SCN10A: variants seen among roughly 807,000 people sequenced by gnomAD.
SCN10A encodes sodium channel protein type 10 subunit alpha.
Under a neutral mutation model 170.7 loss-of-function variants are expected in SCN10A, and 162 were observed. That is an observed-to-expected ratio of 0.95 (90% CI 0.84 to 1.08). SCN10A has a LOEUF of 1.08. SCN10A is among the 50% of genes least tolerant of loss of function. The pLI, the probability that SCN10A is intolerant of heterozygous loss-of-function variation, is 0.00. For synonymous variants in SCN10A, 985 were observed against 904.6 expected (o/e 1.09, Z -1.59); for missense variants, 2,527 against 2,436.9 (o/e 1.04, Z -0.78).
chr3:38,709,740 A>G, intron 24 of SCN10A, 125 bp from the exon 25 acceptor site: 1 of 830,152 alleles, frequency 1.2e-6, no homozygotes, highest in Non-Finnish European at 1.8e-6. Flanking sequence ...CCAAGGAAGC[A>G]GGAATGAGGG....
At chr3:38,805,330 G>A (rs1444057431) in intron 1 of SCN10A, among the ~76,000 whole-genome samples, 1 of 152,116 alleles carries the variant, frequency 6.6e-6, no homozygotes, top group Non-Finnish European at 1.5e-5. Flanking sequence ...GTTATGCATG[G>A]TGCTGAGAGT....
chr3:38,723,216 C>T (rs1172645735), intron 19 of SCN10A, among the ~76,000 whole-genome samples: 2 of 152,126 alleles, frequency 1.3e-5, no homozygotes, highest in Non-Finnish European at 2.9e-5. Context: ...CACGTCTCTC[C>T]GTAGTGTCTG....
intron 26 of SCN10A, 59 bp from the exon 27 acceptor site, chr3:38,702,168 G>T: frequency 1.3e-6 from 2 of 1,497,506 alleles, no homozygotes; most frequent in East Asian, 2.3e-5. Context: ...CCAGGCATCT[G>T]TGTTATCTGT....
rs1044499700 is a variant in SCN10A, at chr3:38,728,615, G to A, written c.2567C>T (p.Ala856Val). 3.7e-6 allele frequency: 6 copies of A among 1,613,352 alleles called. No homozygotes were observed. Among genetic ancestry groups the A allele is most frequent in the Non-Finnish European group, 4.2e-6 (5 of 1,179,366 alleles). Residue 856 changes from alanine (A) to valine (V), a missense_variant, in exon 16 of 28, where the codon GCC (alanine) becomes GTC (valine). Coordinates refer to ENST00000449082, the MANE Select transcript of SCN10A (RefSeq NM_006514.4). The part of the protein sequence containing the change: ...LCGEWIENMW[A>V]CMEVGQKSIC... The stretch of plus-strand genomic sequence containing the variant: ...GGATTTTTGGCCAACTTCCATGCAG[G>A]CCCACATGTTCTCAATCCACTCTCC...
chr3:38,769,791 G>A (rs1360251283), intron 5 of SCN10A, among the ~76,000 whole-genome samples: 2 of 152,156 alleles, frequency 1.3e-5, no homozygotes, highest in Non-Finnish European at 2.9e-5. Context: ...CTGGGGATGG[G>A]GCTTCCTGAG....
chr3:38,754,166 C>T (rs1239156250), intron 11 of SCN10A, among the ~76,000 whole-genome samples: 1 of 152,184 alleles, frequency 6.6e-6, no homozygotes, highest in African/African-American at 2.4e-5. Flanking sequence ...CTCAAGTCTT[C>T]AATTACTAGA....
intron 1 of SCN10A, among the ~76,000 whole-genome samples, chr3:38,799,852 TAAC>T (rs2064361243): frequency 6.6e-6 from 1 of 152,134 alleles, no homozygotes; most frequent in Non-Finnish European, 1.5e-5. Flanking sequence ...ACTGATGACT[TAAC>T]AGTGCATGAT....
chr3:38,779,834 G>C (rs1266617210), intron 4 of SCN10A, among the ~76,000 whole-genome samples: 3 of 151,178 alleles, frequency 2.0e-5, no homozygotes, highest in Admixed American at 6.6e-5. Flanking sequence ...ATTAAATTTG[G>C]TTATTTTTTT....
intron 1 of SCN10A, among the ~76,000 whole-genome samples, chr3:38,810,889 G>A (rs1389071099): frequency 6.6e-6 from 1 of 152,208 alleles, no homozygotes; most frequent in Non-Finnish European, 1.5e-5. Flanking sequence ...TTTTCAAAAT[G>A]CATTTGATTG....
rs916108321 is a variant in SCN10A, at chr3:38,722,117, C to A, written c.3507+141G>T. 5 of 818,214 alleles carry A rather than the reference C, an allele frequency of 6.1e-6. No homozygotes were observed. In the East Asian group the frequency reaches 1.3e-4, roughly 22 times the overall value. 50.7% of individuals were successfully genotyped at this position (818,214 alleles called of 1,614,324 possible). Reference sequence around the variant, plus strand: ...TGCTAAGAGGGGCCCTCGCCCTGGGCTGCAGCTCTCCTTCTAGTGACAAGG... The same window carrying A: ...TGCTAAGAGGGGCCCTCGCCCTGGGATGCAGCTCTCCTTCTAGTGACAAGG... On this transcript the variant is annotated intron_variant, in intron 20 of 27. Coordinates refer to ENST00000449082, the MANE Select transcript of SCN10A (RefSeq NM_006514.4).
intron 15 of SCN10A, among the ~76,000 whole-genome samples, chr3:38,738,498 G>C (rs1012347920): frequency 6.6e-6 from 1 of 152,098 alleles, no homozygotes; most frequent in Non-Finnish European, 1.5e-5. Flanking sequence ...CTAGAGTCTC[G>C]TTGCCTCCTG....
chr3:38,746,040 C>CATAT (rs144763796), intron 13 of SCN10A, among the ~76,000 whole-genome samples: 4 of 78,690 alleles, frequency 5.1e-5, no homozygotes, highest in East Asian at 7.2e-4. Flanking sequence ...TATATATATA[C>CATAT]ATATATATAT....
chr3:38,709,665 G>T (rs536686009), intron 24 of SCN10A, 50 bp from the exon 25 acceptor site: 1 of 1,492,948 alleles, frequency 6.7e-7, no homozygotes, highest in Non-Finnish European at 9.0e-7. Context: ...TCTTAGTTCA[G>T]GTTCACTCTG....
chr3:38,721,107 C>G (rs1315236878), intron 20 of SCN10A, among the ~76,000 whole-genome samples: 1 of 152,236 alleles, frequency 6.6e-6, no homozygotes, highest in Non-Finnish European at 1.5e-5. Flanking sequence ...CCTCTCAGAT[C>G]CTGCCTCGTC....
chr3:38,802,619 C>T lies in SCN10A; in HGVS notation c.-32-8577G>A, dbSNP rs567267967. Among the ~76,000 whole-genome samples the T allele has an allele frequency of 7.2e-5, 11 of 152,196 alleles. No homozygotes were observed. The East Asian group carries it at 1.9e-3, about 27-fold the overall frequency. ...ATATGTAGAAAGCTGAAACTGGATC[C>T]CTTCCTTACACTTTATACAAAAATT... On this transcript the variant is annotated intron_variant, in intron 1 of 27. Coordinates refer to ENST00000449082, the MANE Select transcript of SCN10A (RefSeq NM_006514.4).
At chr3:38,811,007 C>T (rs1245496514) in intron 1 of SCN10A, among the ~76,000 whole-genome samples, 2 of 152,106 alleles carry the variant, frequency 1.3e-5, no homozygotes, top group African/African-American at 4.8e-5. Context: ...ACTTATGTTT[C>T]AAGAGGATAG....
chr3:38,778,070 G>A (rs1390098279), intron 4 of SCN10A, among the ~76,000 whole-genome samples: 4 of 151,976 alleles, frequency 2.6e-5, no homozygotes, highest in Admixed American at 2.6e-4. Flanking sequence ...TAAAACATCA[G>A]ATAAAGCACA....
chr3:38,768,971 G>T (rs2063966702), intron 5 of SCN10A, among the ~76,000 whole-genome samples: 1 of 151,976 alleles, frequency 6.6e-6, no homozygotes, highest in Non-Finnish European at 1.5e-5. Flanking sequence ...CTTTTTGTGT[G>T]TCTTAGTTTG....
chr3:38,752,470 C>T lies in SCN10A; in HGVS notation c.1504G>A (p.Gly502Ser). The T allele has an allele frequency of 1.2e-6, 2 of 1,608,762 alleles. No individual in the cohort carries two copies. Among genetic ancestry groups the T allele is most frequent in the South Asian group, 1.1e-5 (1 of 90,240 alleles). Residue 502 changes from glycine to serine, a missense_variant, in exon 12 of 28, where the codon GGC (glycine) becomes AGC (serine). Transcript: ENST00000449082. Reference sequence around the variant, plus strand: ...GGGGACCGGAAATGGAACACACTGCCATGACTAGCCCGGCGTTTTCCAGAG... The same window carrying T: ...GGGGACCGGAAATGGAACACACTGCTATGACTAGCCCGGCGTTTTCCAGAG... The part of the protein sequence containing the change: ...LASGKRRASH[G>S]SVFHFRSPGR...
Sources: gnomAD v4.1 joint callset for allele counts (sites outside exome capture counted in the v4.1 genomes callset) on GRCh38, gnomAD v4.1.1 for gene constraint, MANE v1.5 for transcripts, NCBI Gene and HGNC (gene_info 2026-07-23, HGNC 2026-07-21) for gene names.